The following PIK3CB variants were observed in gnomAD, a reference collection of about 807,000 sequenced individuals.
PIK3CB encodes the protein phosphatidylinositol 4,5-bisphosphate 3-kinase catalytic subunit beta isoform.
A neutral mutation model predicts 136.8 loss-of-function variants in PIK3CB; 39 were observed. That is an observed-to-expected ratio of 0.29 (90% CI 0.22 to 0.37). PIK3CB has a LOEUF of 0.37. PIK3CB is among the 10% of genes least tolerant of loss of function. PIK3CB has a pLI of 1.00. For synonymous variants in PIK3CB, 428 were observed against 436.6 expected (o/e 0.98, Z 0.25); for missense variants, 868 against 1,275.4 (o/e 0.68, Z 4.87).
intron 2 of PIK3CB, among the ~76,000 whole-genome samples, chr3:138,776,209 A>C (rs2045856679): frequency 6.6e-6 from 1 of 152,170 alleles, no homozygotes; most frequent in African/African-American, 2.4e-5. Context: ...AACAAAAAAA[A>C]AGAAAGAAAG....
In PIK3CB at chr3:138,759,448, C is replaced by A. The variant is rs1019459681; in HGVS notation, c.-16-89G>T. On this transcript the variant is annotated intron_variant, in intron 2 of 23. Transcript: ENST00000674063. ...TAAAGACCACTAATCTACAATTAGT[C>A]CTTAGATTTCAATATAGCCAATAAT... The A allele has an allele frequency of 1.0e-5, 8 of 790,644 alleles. No individual in the cohort carries two copies. The African/African-American group carries it at 1.0e-4, about 10-fold the overall frequency. 49.0% of individuals were successfully genotyped at this position (790,644 alleles called of 1,614,324 possible). A position where few individuals can be genotyped will look rare whatever the true frequency, so the allele number is the denominator to read the frequency against.
intron 2 of PIK3CB, among the ~76,000 whole-genome samples, chr3:138,771,117 A>G (rs968724410): frequency 6.6e-6 from 1 of 152,052 alleles, no homozygotes; most frequent in African/African-American, 2.4e-5. Flanking sequence ...CCTACCCCCG[A>G]CGTTGCTCAA....
At chr3:138,793,286 C>G (rs1373193007) in intron 2 of PIK3CB, among the ~76,000 whole-genome samples, 1 of 152,100 alleles carries the variant, frequency 6.6e-6, no homozygotes, top group Non-Finnish European at 1.5e-5. Flanking sequence ...AGAATTTAAC[C>G]AAACTAAAAG....
chr3:138,823,232 G>A (rs1933638241), intron 1 of PIK3CB, among the ~76,000 whole-genome samples: 1 of 151,512 alleles, frequency 6.6e-6, no homozygotes, highest in African/African-American at 2.4e-5. Context: ...GGCCAGCTGG[G>A]CAACACAGCA....
At chr3:138,689,224 A>T (rs1180462677) in intron 15 of PIK3CB, among the ~76,000 whole-genome samples, 1 of 152,166 alleles carries the variant, frequency 6.6e-6, no homozygotes, top group South Asian at 2.1e-4. Flanking sequence ...AAAATAAAAA[A>T]GTGTAGCTAG....
intron 16 of PIK3CB, among the ~76,000 whole-genome samples, chr3:138,688,222 C>T (rs1349937116): frequency 6.6e-6 from 1 of 151,768 alleles, no homozygotes; most frequent in Non-Finnish European, 1.5e-5. Context: ...GGTGGGGCAG[C>T]CAGGTACGGT....
intron 4 of PIK3CB, among the ~76,000 whole-genome samples, chr3:138,746,149 G>C (rs2045350864): frequency 6.6e-6 from 1 of 152,126 alleles, no homozygotes; most frequent in Non-Finnish European, 1.5e-5. Flanking sequence ...AGGAGGCTGA[G>C]GTGGGAGGAT....
At chr3:138,712,435 G>A (rs920167042) in intron 9 of PIK3CB, 131 bp from the exon 10 acceptor site, 2 of 450,738 alleles carry the variant, frequency 4.4e-6, no homozygotes, top group African/African-American at 2.0e-5. Flanking sequence ...CTTCTAAAAT[G>A]AGAACAAGAT....
intron 12 of PIK3CB, among the ~76,000 whole-genome samples, chr3:138,703,223 G>A (rs2044290609): frequency 6.6e-6 from 1 of 152,148 alleles, no homozygotes; most frequent in Non-Finnish European, 1.5e-5. Context: ...ACACTAATAA[G>A]AAAGCAGTAG....
intron 3 of PIK3CB, 144 bp from the exon 4 acceptor site, chr3:138,756,123 G>A (rs2045562290): frequency 1.3e-5 from 6 of 458,062 alleles, no homozygotes; most frequent in African/African-American, 2.0e-5. Flanking sequence ...TTGGTTAAAT[G>A]AATTATAGAA....
intron 8 of PIK3CB, among the ~76,000 whole-genome samples, chr3:138,721,319 C>G (rs2044722445): frequency 6.6e-6 from 1 of 152,136 alleles, no homozygotes; most frequent in Admixed American, 6.5e-5. Flanking sequence ...CCTGCCACCA[C>G]ACCTGGCTAA....
intron 19 of PIK3CB, among the ~76,000 whole-genome samples, chr3:138,675,679 T>C (rs138701044): frequency 6.6e-6 from 1 of 152,248 alleles, no homozygotes; most frequent in East Asian, 1.9e-4. Flanking sequence ...AAAGAAAACC[T>C]ATCAAGTAGC....
chr3:138,695,399 G>A (rs2044114226), intron 13 of PIK3CB, among the ~76,000 whole-genome samples: 2 of 152,166 alleles, frequency 1.3e-5, no homozygotes, highest in South Asian at 4.1e-4. Context: ...GAGGTGGCCT[G>A]CAAGCTTGTT....
At chr3:138,776,922 C>CAAAAAAAAAAAAAAAAAA in intron 2 of PIK3CB, among the ~76,000 whole-genome samples, 1 of 57,406 alleles carries the variant, frequency 1.7e-5, no homozygotes, top group Non-Finnish European at 3.6e-5. Flanking sequence ...GACTCTACCT[C>CAAAAAAAAAAAAAAAAAA]AAAAAAAAAA....
chr3:138,678,774 C>A (rs1450796590), intron 19 of PIK3CB, among the ~76,000 whole-genome samples: 1 of 152,102 alleles, frequency 6.6e-6, no homozygotes, highest in Non-Finnish European at 1.5e-5. Flanking sequence ...AGGCATATTT[C>A]TTAATGATAA....
intron 2 of PIK3CB, among the ~76,000 whole-genome samples, chr3:138,791,459 T>G (rs1049194337): frequency 3.9e-5 from 6 of 152,040 alleles, no homozygotes; most frequent in African/African-American, 9.7e-5. Flanking sequence ...CAGCCTGAAG[T>G]TACACCTCTC....
At chr3:138,731,775 G>A (rs1390829080) in intron 8 of PIK3CB, among the ~76,000 whole-genome samples, 5 of 151,674 alleles carry the variant, frequency 3.3e-5, no homozygotes, top group African/African-American at 1.2e-4. Flanking sequence ...ACGAGGTCAG[G>A]AGTTCGAGAC....
intron 2 of PIK3CB, among the ~76,000 whole-genome samples, chr3:138,787,922 C>CTT (rs35705968): frequency 2.3e-5 from 3 of 129,054 alleles, no homozygotes; most frequent in Non-Finnish European, 3.3e-5. Flanking sequence ...AACTAGAAGA[C>CTT]TTTTTTTTTT....
intron 21 of PIK3CB, among the ~76,000 whole-genome samples, chr3:138,660,893 A>T (rs1317470006): frequency 6.6e-6 from 1 of 152,222 alleles, no homozygotes; most frequent in African/African-American, 2.4e-5. Flanking sequence ...TAAAAAGCTG[A>T]ATGAAAATTC....
Sources: allele counts gnomAD v4.1 joint callset (sites outside exome capture counted in the v4.1 genomes callset), GRCh38; gene constraint gnomAD v4.1.1; transcripts MANE v1.5; gene names NCBI Gene and HGNC (gene_info 2026-07-23, HGNC 2026-07-21).